TRERF1: variants seen among roughly 807,000 people sequenced by gnomAD.
TRERF1 encodes transcriptional regulating factor 1.
A neutral mutation model predicts 122.9 loss-of-function variants in TRERF1; 27 were observed. The observed-to-expected ratio is 0.22, with a 90% CI of 0.16 to 0.30. The LOEUF is 0.30. Among genes scored for constraint, TRERF1 ranks in the 10% least tolerant of loss-of-function variants. The probability of loss-of-function intolerance (pLI) is 1.00; values close to 1 mark genes in which losing one functional copy is unlikely to be tolerated. For synonymous variants in TRERF1, 636 were observed against 641.7 expected, an observed-to-expected ratio of 0.99 and a Z score of 0.13; for missense variants, 1,248 against 1,560.3, an observed-to-expected ratio of 0.80 and a Z score of 3.37.
chr6:42,390,462 A>C (rs1332182148), intron 2 of TRERF1, among the ~76,000 whole-genome samples: 1 of 152,226 alleles, frequency 6.6e-6, no homozygotes, highest in Non-Finnish European at 1.5e-5. Context: ...AAAAAAGGTC[A>C]ACAGCGTTCT....
intron 16 of TRERF1, among the ~76,000 whole-genome samples, 197 bp downstream of exon 16, chr6:42,236,008 T>C (rs1772092578): frequency 6.6e-6 from 1 of 152,226 alleles, no homozygotes; most frequent in Non-Finnish European, 1.5e-5. Context: ...ACACGCAGCA[T>C]CATGCTTGAC....
At chr6:42,395,068 A>C (rs1288649051) in intron 2 of TRERF1, among the ~76,000 whole-genome samples, 1 of 152,254 alleles carries the variant, frequency 6.6e-6, no homozygotes, top group Non-Finnish European at 1.5e-5. Flanking sequence ...GGTGGGGTAG[A>C]CAGGGCCGGC....
intron 3 of TRERF1, among the ~76,000 whole-genome samples, chr6:42,343,937 G>A (rs1767783831): frequency 6.6e-6 from 1 of 152,216 alleles, no homozygotes; most frequent in Non-Finnish European, 1.5e-5. Context: ...CAGCAGAGCT[G>A]CTGAGCCTCA....
chr6:42,388,178 C>A (rs929444404), intron 2 of TRERF1, among the ~76,000 whole-genome samples: 2 of 151,590 alleles, frequency 1.3e-5, no homozygotes, highest in African/African-American at 4.8e-5. Flanking sequence ...AGAACCTGGG[C>A]TGAACTCAAA....
intron 3 of TRERF1, among the ~76,000 whole-genome samples, chr6:42,340,245 C>T (rs1581681682): frequency 1.3e-5 from 2 of 152,132 alleles, no homozygotes; most frequent in South Asian, 4.1e-4. Context: ...CACACCACCC[C>T]ATTACTGCTC....
intron 2 of TRERF1, among the ~76,000 whole-genome samples, chr6:42,431,354 G>C (rs540486289): frequency 2.0e-4 from 31 of 152,252 alleles, no homozygotes; most frequent in African/African-American, 6.5e-4. Context: ...CAAGTACAGA[G>C]AGGAAAATGG....
At chr6:42,282,649 G>A (rs1385221870) in intron 4 of TRERF1, among the ~76,000 whole-genome samples, 1 of 152,216 alleles carries the variant, frequency 6.6e-6, no homozygotes, top group Non-Finnish European at 1.5e-5. Context: ...CCAAGGTTAA[G>A]TGAAAAAGAA....
chr6:42,434,710 A>ACCCC, intron 2 of TRERF1, among the ~76,000 whole-genome samples: 1 of 147,460 alleles, frequency 6.8e-6, no homozygotes, highest in Non-Finnish European at 1.5e-5. Flanking sequence ...ACACACACAC[A>ACCCC]CCCCTAATAG....
chr6:42,379,948 T>G (rs1174009716), intron 2 of TRERF1, among the ~76,000 whole-genome samples: 3 of 152,094 alleles, frequency 2.0e-5, no homozygotes, highest in Non-Finnish European at 4.4e-5. Flanking sequence ...TAAATAAATA[T>G]CTATATGCCA....
intron 4 of TRERF1, among the ~76,000 whole-genome samples, chr6:42,282,290 G>A (rs1422675882): frequency 6.6e-6 from 1 of 152,250 alleles, no homozygotes; most frequent in African/African-American, 2.4e-5. Flanking sequence ...GCTCATGCCT[G>A]TAATCCCAGC....
chr6:42,230,189 C>T (rs1471448194), intron 17 of TRERF1, among the ~76,000 whole-genome samples: 2 of 152,108 alleles, frequency 1.3e-5, no homozygotes, highest in African/African-American at 4.8e-5. Flanking sequence ...CTTGGACACA[C>T]TGAAAATGGT....
chr6:42,434,235 C>T (rs951029212), intron 2 of TRERF1, among the ~76,000 whole-genome samples: 4 of 152,044 alleles, frequency 2.6e-5, no homozygotes, highest in African/African-American at 7.2e-5. Context: ...GAGGATTAAA[C>T]AGCAAAAGCA....
At chr6:42,261,133 G>C (rs1311766276) in intron 8 of TRERF1, among the ~76,000 whole-genome samples, 2 of 152,168 alleles carry the variant, frequency 1.3e-5, no homozygotes, top group African/African-American at 4.8e-5. Flanking sequence ...CTGAGGCTGA[G>C]GCGAGAGAGG....
intron 2 of TRERF1, among the ~76,000 whole-genome samples, chr6:42,430,275 C>T (rs1784293232): frequency 6.6e-6 from 1 of 152,046 alleles, no homozygotes; most frequent in Non-Finnish European, 1.5e-5. Context: ...ATAAATATGG[C>T]TCAAAGCCCT....
intron 2 of TRERF1, among the ~76,000 whole-genome samples, chr6:42,437,493 G>A (rs1445643322): frequency 6.6e-6 from 1 of 152,158 alleles, no homozygotes; most frequent in African/African-American, 2.4e-5. Flanking sequence ...AACCTTTTCA[G>A]TCAGTAAAAC....
chr6:42,271,531 C>G (rs1445433892), intron 4 of TRERF1, among the ~76,000 whole-genome samples: 5 of 152,008 alleles, frequency 3.3e-5, no homozygotes, highest in Non-Finnish European at 7.4e-5. Context: ...GCACTATGAC[C>G]TGGTCATATA....
chr6:42,444,916 C>G (rs531520582), intron 2 of TRERF1, among the ~76,000 whole-genome samples: 1 of 152,306 alleles, frequency 6.6e-6, no homozygotes, highest in South Asian at 2.1e-4. Flanking sequence ...CAGTCGTGGT[C>G]CCAGCCAACC....
At chr6:42,323,396 A>G (rs1763775696) in intron 3 of TRERF1, among the ~76,000 whole-genome samples, 1 of 151,848 alleles carries the variant, frequency 6.6e-6, no homozygotes. Flanking sequence ...ACGGGGTTTA[A>G]CCATATTGGC....
At chr6:42,270,486 T>G (rs1015556374) in intron 4 of TRERF1, among the ~76,000 whole-genome samples, 4 of 152,258 alleles carry the variant, frequency 2.6e-5, no homozygotes, top group East Asian at 1.9e-4. Flanking sequence ...TTAATCAATT[T>G]ATCTGTTCAA....
Sources: gnomAD v4.1 joint callset for allele counts (sites outside exome capture counted in the v4.1 genomes callset) on GRCh38, gnomAD v4.1.1 for gene constraint, MANE v1.5 for transcripts, NCBI Gene and HGNC (gene_info 2026-07-23, HGNC 2026-07-21) for gene names.